EFHC1: variants seen among roughly 807,000 people sequenced by gnomAD.
EFHC1 encodes EF-hand domain-containing protein 1.
In EFHC1, 53 loss-of-function variants were observed where a neutral mutation model predicts 69.9. The ratio of observed to expected loss-of-function variants is 0.76; its 90% CI spans 0.61 to 0.95. EFHC1 has a LOEUF of 0.95. Among genes scored for constraint, EFHC1 ranks in the 40% least tolerant of loss-of-function variants. The probability of loss-of-function intolerance (pLI) is 0.00; values close to 1 mark genes in which losing one functional copy is unlikely to be tolerated. For synonymous variants in EFHC1, 256 were observed against 278.4 expected, an observed-to-expected ratio of 0.92 and a Z score of 0.80; for missense variants, 739 against 798.7, an observed-to-expected ratio of 0.93 and a Z score of 0.90.
chr6:52,488,266 A>G (rs1370287334), intron 9 of EFHC1: 1 of 152,214 alleles, frequency 6.6e-6, no homozygotes, highest in African/African-American at 2.4e-5. Flanking sequence ...TATGATTTGA[A>G]TTACATTCAT....
chr6:52,421,966 A>G (rs1764200785), intron 1 of EFHC1, among the ~76,000 whole-genome samples: 1 of 152,250 alleles, frequency 6.6e-6, no homozygotes, highest in African/African-American at 2.4e-5. Context: ...TGCATTGGAC[A>G]TATTTCAGAT....
intron 6 of EFHC1, among the ~76,000 whole-genome samples, chr6:52,467,745 C>A (rs935131123): frequency 8.5e-5 from 13 of 152,258 alleles, no homozygotes; most frequent in African/African-American, 3.1e-4. Context: ...AGTGTTTGGT[C>A]AGTTTCTTTC....
rs1030963998 is a variant in EFHC1, at chr6:52,493,769, C to T, written c.*1428C>T. On this transcript the variant is annotated 3_prime_UTR_variant, in exon 11 of 11. Coordinates refer to ENST00000371068, the MANE Select transcript of EFHC1 (RefSeq NM_018100.4). ...TGAGCTCTGACTGGCTTTTTACAAA[C>T]AGGGCTTCTCTTTGGTTGAAGTCAG... 6 of 454,044 alleles carry T rather than the reference C, an allele frequency of 1.3e-5. No individual in the cohort carries two copies. The East Asian group carries it at 4.2e-4, about 32-fold the overall frequency. The allele number at this position is 454,044 out of a possible 1,614,324, so 28.1% of individuals were successfully genotyped here.
rs1407831619 is a variant in EFHC1, at chr6:52,493,978, C to A, written c.*1637C>A. 4.4e-6 allele frequency: 2 copies of A among 453,988 alleles called. No individual in the cohort carries two copies. Among genetic ancestry groups the A allele is most frequent in the Non-Finnish European group, 8.8e-6 (2 of 226,802 alleles). 28.1% of individuals were successfully genotyped at this position (453,988 alleles called of 1,614,324 possible). ...ACTTGTAACCAGCTTATTGAAAGGG[C>A]TGTGAATGTATTATGTTGATTCCTT... is the stretch of plus-strand genomic sequence containing the variant. On this transcript the variant is annotated 3_prime_UTR_variant, in exon 11 of 11. Transcript: ENST00000371068.
At chr6:52,454,040 A>C in intron 4 of EFHC1, 55 bp from the exon 5 acceptor site, 1 of 1,610,846 alleles carries the variant, frequency 6.2e-7, no homozygotes, top group Non-Finnish European at 8.5e-7. Flanking sequence ...CAAAGTAGCC[A>C]AGTTGAACTC....
intron 3 of EFHC1, among the ~76,000 whole-genome samples, chr6:52,439,618 G>C (rs1223192307): frequency 6.6e-6 from 1 of 152,118 alleles, no homozygotes; most frequent in Non-Finnish European, 1.5e-5. Context: ...GTCAGATGAT[G>C]ATAACAGCAA....
At chr6:52,490,022 A>G (rs1392445439) in intron 9 of EFHC1, 118 bp from the exon 10 acceptor site, 13 of 925,758 alleles carry the variant, frequency 1.4e-5, no homozygotes, top group Non-Finnish European at 2.0e-5. Flanking sequence ...TGGTCAGCTC[A>G]GTCTCAAAGC....
At position 52,460,893 on chromosome 6, in the gene EFHC1, A is replaced by G. The variant is rs546576211; in HGVS notation, c.917-4002A>G. ...TGAATGCAGAAGTAAAGTCTAAGAT[A>G]CAAAAAGTCGTGAATAAAGAAAATA... On this transcript the variant is annotated intron_variant, in intron 5 of 10. Transcript: ENST00000371068. 2.0e-5 allele frequency among the ~76,000 whole-genome samples: 3 copies of G among 152,340 alleles called. No individual in the cohort carries two copies. The South Asian group carries it at 6.2e-4, about 32-fold the overall frequency.
intron 5 of EFHC1, among the ~76,000 whole-genome samples, chr6:52,460,174 A>G (rs555968561): frequency 2.0e-4 from 31 of 152,368 alleles, no homozygotes; most frequent in Middle Eastern, 6.8e-3. Context: ...CAATTATTGT[A>G]TATCAGTACT....
intron 3 of EFHC1, among the ~76,000 whole-genome samples, chr6:52,450,344 G>A (rs1311236792): frequency 6.6e-6 from 1 of 152,104 alleles, no homozygotes; most frequent in Non-Finnish European, 1.5e-5. Context: ...GTTGAGTTAG[G>A]TCCTGAATAT....
chr6:52,448,578 A>G (rs1225018945), intron 3 of EFHC1, among the ~76,000 whole-genome samples: 4 of 152,164 alleles, frequency 2.6e-5, no homozygotes, highest in African/African-American at 7.2e-5. Flanking sequence ...GACAAACCCC[A>G]GTGAGATGAA....
intron 3 of EFHC1, among the ~76,000 whole-genome samples, chr6:52,449,322 A>G (rs1020129246): frequency 8.6e-5 from 13 of 151,888 alleles, no homozygotes; most frequent in African/African-American, 2.9e-4. Flanking sequence ...CAGAGCTTGC[A>G]ATGAGCCGAG....
At chr6:52,423,882 GTTT>G (rs1004039467) in intron 1 of EFHC1, 61 bp from the exon 2 acceptor site, 1 of 1,390,146 alleles carries the variant, frequency 7.2e-7, no homozygotes, top group Non-Finnish European at 9.8e-7. Context: ...TTAAAAGTTA[GTTT>G]TTTTTTTACC....
chr6:52,487,574 C>T (rs895634204), intron 9 of EFHC1: 2 of 152,026 alleles, frequency 1.3e-5, no homozygotes, highest in African/African-American at 4.8e-5. Context: ...TTTCATCTTT[C>T]TAGCACACCT....
At chr6:52,429,709 G>GT (rs1266666996) in intron 2 of EFHC1, among the ~76,000 whole-genome samples, 1 of 152,034 alleles carries the variant, frequency 6.6e-6, no homozygotes, top group African/African-American at 2.4e-5. Context: ...GTTTAGGATT[G>GT]TTTTTTCTAA....
At position 52,432,954 on chromosome 6, in the gene EFHC1, T is replaced by C. The variant is rs1393842847; in HGVS notation, c.286-5350T>C. On this transcript the variant is annotated intron_variant, in intron 2 of 10. Transcript: ENST00000371068. The stretch of plus-strand genomic sequence containing the variant: ...CTTGTCTTTGAGCTCTGAAGTTCTT[T>C]CTTCTGCTTGTTTGATTCTATTGCT... Among the ~76,000 whole-genome samples the C allele has an allele frequency of 4.6e-5, 7 of 152,154 alleles. No homozygotes were observed. The South Asian group carries it at 6.2e-4, about 14-fold the overall frequency.
At chr6:52,453,583 A>G (rs1764967012) in intron 4 of EFHC1, 1 of 1,274,868 alleles carries the variant, frequency 7.8e-7, no homozygotes, top group African/African-American at 1.5e-5. Context: ...TTTTGTATTT[A>G]AAGATTGTGT....
intron 9 of EFHC1, chr6:52,482,560 G>A: frequency 2.7e-6 from 1 of 367,654 alleles, no homozygotes. Context: ...GATGCAGACT[G>A]AACGTCTGTT....
intron 2 of EFHC1, 97 bp downstream of exon 2, chr6:52,424,264 G>A: frequency 1.7e-6 from 2 of 1,175,314 alleles, no homozygotes; most frequent in Non-Finnish European, 2.5e-6. Flanking sequence ...TTTCCAAAGG[G>A]CTCTGAGGAG....
Sources: gnomAD v4.1 joint callset for allele counts (sites outside exome capture counted in the v4.1 genomes callset) on GRCh38, gnomAD v4.1.1 for gene constraint, MANE v1.5 for transcripts, NCBI Gene and HGNC (gene_info 2026-07-23, HGNC 2026-07-21) for gene names.